CRYAB: variants seen among roughly 807,000 people sequenced by gnomAD.
CRYAB encodes crystallin alpha B.
Under a neutral mutation model 12.7 loss-of-function variants are expected in CRYAB, and 9 were observed. The observed-to-expected ratio is 0.71, with a 90% confidence interval of 0.43 to 1.24. The LOEUF is 1.24. CRYAB is among the 50% of genes most tolerant of loss of function. CRYAB has a pLI of 0.00. For synonymous variants in CRYAB, 93 were observed against 86.8 expected, an observed-to-expected ratio of 1.07 and a Z score of -0.40; for missense variants, 183 against 226.6, an observed-to-expected ratio of 0.81 and a Z score of 1.24.
rs1555165556 is a variant in CRYAB at position 111,911,586 on chromosome 11, A to G, written c.139T>C (p.Phe47Leu). 1 of 1,613,352 alleles carries G rather than the reference A, an allele frequency of 6.2e-7. No homozygotes were observed. Among genetic ancestry groups the G allele is most frequent in the South Asian group, 1.1e-5 (1 of 90,748 alleles). Residue 47 changes from phenylalanine (F) to leucine (L), a missense_variant, in exon 1 of 3, where the codon TTC (phenylalanine) becomes CTC (leucine). Phe to Leu is a conservative substitution (Grantham distance 22). Around this residue, in one of 3 missense-constraint regions of CRYAB, gnomAD observed 86 missense variants for 96.1 expected, o/e 0.89. Coordinates refer to ENST00000650687, the MANE Select transcript of CRYAB (RefSeq NM_001289808.2). ...LFPTSTSLSP[F>L]YLRPPSFLRA... is the part of the protein sequence containing the mutation. Reference sequence around the variant, plus strand: ...AGGAAGGAGGGTGGCCGAAGGTAGAAGGGACTCAGGGAAGTAGACGTCGGG... The same window carrying G: ...AGGAAGGAGGGTGGCCGAAGGTAGAGGGGACTCAGGGAAGTAGACGTCGGG...
At chr11:111,921,402 A>G (rs899069336) in intron 1 of CRYAB, among the ~76,000 whole-genome samples, 16 of 152,246 alleles carry the variant, frequency 1.1e-4, no homozygotes, top group Non-Finnish European at 2.2e-4. Context: ...ATTAATGGGA[A>G]ATACGTAGCC....
chr11:111,916,778 C>T (rs587690694), upstream of CRYAB, among the ~76,000 whole-genome samples: 4 of 152,256 alleles, frequency 2.6e-5, no homozygotes, highest in Admixed American at 6.5e-5. Flanking sequence ...GTCTATTCCT[C>T]TATTGATTTC....
chr11:111,916,065 C>T (rs190310221), upstream of CRYAB, among the ~76,000 whole-genome samples: 1 of 152,116 alleles, frequency 6.6e-6, no homozygotes, highest in East Asian at 1.9e-4. Flanking sequence ...TTGGTCTTAA[C>T]TGACTTAACC....
chr11:111,913,230 C>A, upstream of CRYAB: 1 of 582,484 alleles, frequency 1.7e-6, no homozygotes. Flanking sequence ...CCTCCTCCTT[C>A]TCCTCCTCCT....
chr11:111,910,711 CA>C lies in CRYAB; in HGVS notation c.202-263del, dbSNP rs1310557778. On this transcript the variant is annotated intron_variant, in intron 1 of 2. Transcript: ENST00000650687. Reference sequence around the variant, plus strand: ...GACAGATCACCCAGGGGACCAGTCGCAAGGATGGGTGCAAGCCTGGCATCTG... The same window carrying C: ...GACAGATCACCCAGGGGACCAGTCGCAGGATGGGTGCAAGCCTGGCATCTG... 9 of 538,308 alleles carry C rather than the reference CA, an allele frequency of 1.7e-5. 1 individual carries two copies. The Admixed American group carries it at 2.8e-4, about 17-fold the overall frequency. The allele number at this position is 538,308 out of a possible 1,614,324, so 33.3% of individuals were successfully genotyped here.
chr11:111,915,904 G>A (rs11214040), upstream of CRYAB, among the ~76,000 whole-genome samples: 14,545 of 151,996 alleles, frequency 0.096, 805 homozygotes, highest in Middle Eastern at 0.13. Flanking sequence ...CACCACGCCT[G>A]GCTAATTTTT....
chr11:111,918,595 A>G (rs986196917), intron 1 of CRYAB: 16 of 638,782 alleles, frequency 2.5e-5, no homozygotes, highest in South Asian at 2.1e-4. Context: ...GCACTCATCT[A>G]TTATAGAGGA....
At chr11:111,913,009 C>T (rs992404506), upstream of CRYAB, 17 of 1,014,178 alleles carry the variant, frequency 1.7e-5, no homozygotes, top group Admixed American at 1.2e-4. Context: ...GCCTCCACCC[C>T]ACTCTGGGCT....
At chr11:111,922,054 A>G (rs1965709744) in intron 1 of CRYAB, among the ~76,000 whole-genome samples, 1 of 151,464 alleles carries the variant, frequency 6.6e-6, no homozygotes, top group East Asian at 1.9e-4. Context: ...CTGGTCTTGA[A>G]CTCCTGACCT....
upstream of CRYAB, chr11:111,913,664 C>A (rs2137390439): frequency 1.2e-6 from 2 of 1,614,166 alleles, no homozygotes; most frequent in Admixed American, 3.3e-5. Flanking sequence ...ACCCCCAGCG[C>A]CTGGACCGCC....
chr11:111,908,811 T>C lies in CRYAB; in HGVS notation c.481A>G (p.Ile161Val), dbSNP rs1555165224. Residue 161 changes from isoleucine to valine, a missense_variant, in exon 3 of 3, where the codon ATC (isoleucine) becomes GTC (valine). Transcript: ENST00000650687. The stretch of plus-strand genomic sequence containing the variant: ...ACAGCAGGCTTCTCTTCACGGGTGA[T>C]GGGAATGGTGCGCTCAGGGCCAGAG... Reference protein sequence around the residue: ...QVSGPERTIPITREEKPAVTA... With the variant: ...QVSGPERTIPVTREEKPAVTA... 5.0e-6 allele frequency: 8 copies of C among 1,613,560 alleles called. No individual in the cohort carries two copies. In the South Asian group the frequency reaches 8.8e-5, roughly 18 times the overall value.
intron 1 of CRYAB, chr11:111,919,080 T>C: frequency 6.5e-7 from 1 of 1,531,076 alleles, no homozygotes; most frequent in South Asian, 1.2e-5. Context: ...TCAGAGGACC[T>C]GGAGATAGTT....
At chr11:111,916,399 T>C (rs1249609199), upstream of CRYAB, among the ~76,000 whole-genome samples, 1 of 152,000 alleles carries the variant, frequency 6.6e-6, no homozygotes, top group African/African-American at 2.4e-5. Context: ...CCTGGCTAAT[T>C]TTTTGTAGAG....
At chr11:111,920,304 G>A (rs1316769776) in intron 1 of CRYAB, among the ~76,000 whole-genome samples, 2 of 152,304 alleles carry the variant, frequency 1.3e-5, no homozygotes, top group South Asian at 2.1e-4. Flanking sequence ...GGGAGGCTGA[G>A]GCAGGCAGAT....
upstream of CRYAB, chr11:111,912,603 C>T (rs574649363): frequency 2.2e-5 from 13 of 579,908 alleles, no homozygotes; most frequent in South Asian, 2.4e-4. Flanking sequence ...GAAGAGTGTG[C>T]GGGGGAGGGG....
At chr11:111,922,438 C>T (rs587718404) in intron 1 of CRYAB, among the ~76,000 whole-genome samples, 1 of 152,234 alleles carries the variant, frequency 6.6e-6, no homozygotes, top group South Asian at 2.1e-4. Context: ...AGGTAATAAT[C>T]ATTCATTGCA....
upstream of CRYAB, chr11:111,913,990 G>A (rs1555165943): frequency 7.4e-6 from 8 of 1,078,164 alleles, no homozygotes; most frequent in Non-Finnish European, 5.3e-6. Flanking sequence ...ATCCTTGGGG[G>A]AAGGGAAAGG....
At chr11:111,919,320 A>T (rs1257109365) in intron 1 of CRYAB, 4 of 294,818 alleles carry the variant, frequency 1.4e-5, no homozygotes, top group Non-Finnish European at 2.6e-5. Flanking sequence ...TGAAAATACA[A>T]AAATTAGCTG....
chr11:111,910,653 G>T, intron 1 of CRYAB: 1 of 653,236 alleles, frequency 1.5e-6, no homozygotes, highest in Non-Finnish European at 2.7e-6. Context: ...ATGGTGATCA[G>T]ACCCAAACTT....
Sources: allele counts gnomAD v4.1 joint callset (sites outside exome capture counted in the v4.1 genomes callset), GRCh38; gene constraint gnomAD v4.1.1; regional missense constraint gnomAD v4.1.1; transcripts MANE v1.5; gene names NCBI Gene and HGNC (gene_info 2026-07-23, HGNC 2026-07-21).